The following NAV2 variants were observed in gnomAD, a reference collection of about 807,000 sequenced individuals.
The protein encoded by NAV2 is neuron navigator 2, also known as helicase, APC down-regulated 1.
A neutral mutation model predicts 223.2 loss-of-function variants in NAV2; 54 were observed. The ratio of observed to expected loss-of-function variants is 0.24; its 90% CI spans 0.19 to 0.30. NAV2 has a LOEUF of 0.30. Among genes scored for constraint, NAV2 ranks in the 10% least tolerant of loss-of-function variants. The pLI is 1.00. For missense variants in NAV2, 2,806 were observed against 3,147.5 expected (o/e 0.89, Z 2.60); for synonymous variants, 1,279 against 1,239.3 (o/e 1.03, Z -0.67).
chr11:20,060,496 A>G (rs2058633895), intron 19 of NAV2, among the ~76,000 whole-genome samples: 1 of 152,268 alleles, frequency 6.6e-6, no homozygotes, highest in East Asian at 1.9e-4. Flanking sequence ...TCATGGATGA[A>G]GAAAGCACGG....
intron 1 of NAV2, among the ~76,000 whole-genome samples, chr11:19,402,593 G>A (rs1849732479): frequency 6.6e-6 from 1 of 152,058 alleles, no homozygotes; most frequent in Non-Finnish European, 1.5e-5. Flanking sequence ...ATTTATTTGA[G>A]TGTAAATAGA....
intron 1 of NAV2, among the ~76,000 whole-genome samples, chr11:19,585,760 G>A (rs943039596): frequency 6.6e-6 from 1 of 152,182 alleles, no homozygotes; most frequent in Non-Finnish European, 1.5e-5. Flanking sequence ...CTGTTAGTCT[G>A]ATGGGCTTCC....
chr11:19,634,855 A>G (rs1451072123), intron 1 of NAV2, among the ~76,000 whole-genome samples: 2 of 152,194 alleles, frequency 1.3e-5, no homozygotes, highest in Admixed American at 6.5e-5. Flanking sequence ...GTTGGAGGAT[A>G]ATTAGGAACT....
intron 1 of NAV2, among the ~76,000 whole-genome samples, chr11:19,656,731 C>A (rs2048137073): frequency 6.6e-6 from 1 of 152,182 alleles, no homozygotes; most frequent in Non-Finnish European, 1.5e-5. Context: ...AATCTACATC[C>A]CCCTGGACTC....
chr11:19,838,536 A>G (rs1284800060), intron 2 of NAV2, among the ~76,000 whole-genome samples: 2 of 152,232 alleles, frequency 1.3e-5, no homozygotes, highest in Non-Finnish European at 2.9e-5. Flanking sequence ...GCTTTAGCCT[A>G]AGAACAAGGG....
intron 1 of NAV2, among the ~76,000 whole-genome samples, chr11:19,733,429 C>T (rs1333599079): frequency 1.3e-5 from 2 of 152,204 alleles, no homozygotes; most frequent in Non-Finnish European, 2.9e-5. Flanking sequence ...TTACTATCAC[C>T]CATGTGCCTA....
At chr11:19,438,549 C>T (rs1300909690) in intron 1 of NAV2, among the ~76,000 whole-genome samples, 2 of 152,210 alleles carry the variant, frequency 1.3e-5, no homozygotes, top group African/African-American at 4.8e-5. Context: ...ACTCTCCAGA[C>T]ACCAACCATT....
rs142511314 is a variant in NAV2 at position 19,624,154 on chromosome 11, C to T, written c.76-208330C>T. Reference sequence around the variant, plus strand: ...GCTTCATCTCAGAGGGGCACCTGGCCGTGTGAGGTGTCAGTCGGACCCTAC... The same window carrying T: ...GCTTCATCTCAGAGGGGCACCTGGCTGTGTGAGGTGTCAGTCGGACCCTAC... On this transcript the variant is annotated intron_variant, in intron 1 of 37. Coordinates refer to the NAV2 transcript ENST00000360655. Among the ~76,000 whole-genome samples the T allele has an allele frequency of 3.7e-3, 566 of 152,208 alleles. 6 individuals carry two copies. Among genetic ancestry groups the T allele is most frequent in the African/African-American group, 0.013 (544 of 41,516 alleles).
intron 1 of NAV2, among the ~76,000 whole-genome samples, chr11:19,698,791 A>T (rs1346930719): frequency 6.6e-6 from 1 of 152,126 alleles, no homozygotes; most frequent in Non-Finnish European, 1.5e-5. Context: ...CTTCATGTGG[A>T]CAGTGCTCAC....
chr11:20,042,445 C>T (rs1273132767), intron 12 of NAV2, among the ~76,000 whole-genome samples: 4 of 152,114 alleles, frequency 2.6e-5, no homozygotes, highest in Non-Finnish European at 4.4e-5. Context: ...ATGAGCTTCT[C>T]ATAGCCAGGC....
At chr11:19,571,621 G>T (rs1401444987) in intron 1 of NAV2, among the ~76,000 whole-genome samples, 1 of 151,978 alleles carries the variant, frequency 6.6e-6, no homozygotes. Context: ...CAGGAGAACT[G>T]CTTGAACCCA....
chr11:19,392,392 T>TTC (rs1237905340), intron 1 of NAV2, among the ~76,000 whole-genome samples: 2 of 151,862 alleles, frequency 1.3e-5, no homozygotes, highest in Non-Finnish European at 2.9e-5. Context: ...GATTTTTTTT[T>TTC]TTCTGCTTTT....
chr11:20,072,596 CCT>C (rs1214106350), intron 22 of NAV2, among the ~76,000 whole-genome samples: 9 of 152,144 alleles, frequency 5.9e-5, no homozygotes, highest in African/African-American at 2.2e-4. Context: ...TTGTTTATGT[CCT>C]CTCTTATTTC....
At chr11:19,758,421 G>A (rs1272238034) in intron 1 of NAV2, among the ~76,000 whole-genome samples, 3 of 152,198 alleles carry the variant, frequency 2.0e-5, no homozygotes, top group Admixed American at 6.5e-5. Flanking sequence ...AGTAGAGAGG[G>A]GCTGAAGGAG....
intron 1 of NAV2, among the ~76,000 whole-genome samples, chr11:19,771,510 A>G (rs2055717180): frequency 6.6e-6 from 1 of 152,004 alleles, no homozygotes; most frequent in Admixed American, 6.5e-5. Flanking sequence ...CCTACTCCAG[A>G]GGAGTAGGCA....
intron 1 of NAV2, among the ~76,000 whole-genome samples, chr11:19,478,203 C>T (rs1313570806): frequency 6.6e-6 from 1 of 152,156 alleles, no homozygotes; most frequent in African/African-American, 2.4e-5. Flanking sequence ...CTCCTTTTGG[C>T]AGGCATGGTG....
chr11:19,574,057 G>A (rs1046307986), intron 1 of NAV2, among the ~76,000 whole-genome samples: 1 of 152,214 alleles, frequency 6.6e-6, no homozygotes, highest in Non-Finnish European at 1.5e-5. Context: ...TCATGATAGT[G>A]TGAAGGGCAT....
chr11:19,565,029 G>A lies in NAV2; in HGVS notation c.75+214002G>A, dbSNP rs1425400162. ...AGATGCCTGTAATCCCAGCTACTCGGGAGGCTGAGGCAGGAGAATCTCTTG... is the reference window on the plus strand; with the variant it reads ...AGATGCCTGTAATCCCAGCTACTCGAGAGGCTGAGGCAGGAGAATCTCTTG... On this transcript the variant is annotated intron_variant, in intron 1 of 37. Coordinates refer to the NAV2 transcript ENST00000360655. Among the ~76,000 whole-genome samples the A allele has an allele frequency of 2.6e-5, 4 of 152,160 alleles. 1 individual carries two copies. The highest frequency in any genetic ancestry group is 5.9e-5 in the Non-Finnish European group (4 of 68,016).
At chr11:19,708,791 T>G (rs193301367), upstream of NAV2, among the ~76,000 whole-genome samples, 1 of 151,676 alleles carries the variant, frequency 6.6e-6, no homozygotes, top group East Asian at 1.9e-4. Context: ...GACATTTGGG[T>G]GATTCTGCAA....
Sources: gnomAD v4.1 joint callset for allele counts (sites outside exome capture counted in the v4.1 genomes callset) on GRCh38, gnomAD v4.1.1 for gene constraint, MANE v1.5 for transcripts, NCBI Gene and HGNC (gene_info 2026-07-23, HGNC 2026-07-21) for gene names.